The following GRIA4 variants were observed in gnomAD, a reference collection of about 807,000 sequenced individuals.
GRIA4 encodes glutamate ionotropic receptor AMPA type subunit 4.
In GRIA4, 34 loss-of-function variants were observed where a neutral mutation model predicts 104.0. That is an observed-to-expected ratio of 0.33 (90% CI 0.25 to 0.44). The LOEUF (loss-of-function observed/expected upper bound fraction) is 0.44, where lower values mean the gene tolerates loss of function less well. Ranked by LOEUF, GRIA4 falls within the 20% of genes least tolerant of loss-of-function variation. The pLI is 1.00. For synonymous variants in GRIA4, 386 were observed against 381.9 expected (o/e 1.01, Z -0.13); for missense variants, 750 against 1,096.5 (o/e 0.68, Z 4.46).
At chr11:105,623,459 T>C (rs1168927027) in intron 3 of GRIA4, among the ~76,000 whole-genome samples, 1 of 152,042 alleles carries the variant, frequency 6.6e-6, no homozygotes, top group Non-Finnish European at 1.5e-5. Flanking sequence ...TGACTTTTCA[T>C]TGCTTTAGAA....
intron 3 of GRIA4, among the ~76,000 whole-genome samples, chr11:105,742,910 T>C (rs1591179050): frequency 6.6e-6 from 1 of 152,076 alleles, no homozygotes; most frequent in African/African-American, 2.4e-5. Context: ...CTAATTTTTG[T>C]ATTTTTAGTA....
intron 4 of GRIA4, among the ~76,000 whole-genome samples, chr11:105,769,466 C>A (rs908176199): frequency 6.6e-6 from 1 of 151,890 alleles, no homozygotes; most frequent in South Asian, 2.1e-4. Flanking sequence ...GTAAGTAACT[C>A]ATTATGGCTC....
intron 3 of GRIA4, chr11:105,613,650 G>T (rs939473183): frequency 7.9e-5 from 12 of 152,084 alleles, no homozygotes; most frequent in Non-Finnish European, 1.2e-4. Context: ...TATTTAATTT[G>T]TATGTGTTGG....
At chr11:105,977,766 A>C (rs1238784470) in intron 16 of GRIA4, among the ~76,000 whole-genome samples, 1 of 152,026 alleles carries the variant, frequency 6.6e-6, no homozygotes, top group African/African-American at 2.4e-5. Context: ...CACCCAAAAC[A>C]TATGTACTTT....
intron 4 of GRIA4, among the ~76,000 whole-genome samples, chr11:105,826,177 C>G (rs1366196965): frequency 6.6e-6 from 1 of 151,970 alleles, no homozygotes; most frequent in Non-Finnish European, 1.5e-5. Context: ...ATTGGGGTAG[C>G]ATGGGATGGA....
intron 3 of GRIA4, among the ~76,000 whole-genome samples, chr11:105,720,430 CG>C (rs368035093): frequency 2.6e-5 from 4 of 151,662 alleles, no homozygotes; most frequent in Admixed American, 6.6e-5. Flanking sequence ...CTATCCAAAC[CG>C]AGAAAAGAAA....
intron 4 of GRIA4, among the ~76,000 whole-genome samples, chr11:105,766,112 A>C (rs1293051316): frequency 6.6e-6 from 1 of 152,182 alleles, no homozygotes; most frequent in African/African-American, 2.4e-5. Flanking sequence ...ACTACACCTA[A>C]CAAAGCATTA....
intron 3 of GRIA4, among the ~76,000 whole-genome samples, chr11:105,744,153 T>C (rs1939502190): frequency 6.6e-6 from 1 of 152,192 alleles, no homozygotes; most frequent in East Asian, 1.9e-4. Context: ...ATATTCACCA[T>C]CTTGGATTAT....
chr11:105,686,614 G>C (rs904777583), intron 3 of GRIA4, among the ~76,000 whole-genome samples: 1 of 152,148 alleles, frequency 6.6e-6, no homozygotes. Flanking sequence ...TAAGTCTAAT[G>C]GTAGCTCTGT....
intron 5 of GRIA4, among the ~76,000 whole-genome samples, chr11:105,886,817 TA>T (rs1946279743): frequency 6.6e-6 from 1 of 151,326 alleles, no homozygotes; most frequent in Non-Finnish European, 1.5e-5. Context: ...AATGCAAAAA[TA>T]AAATTGAACT....
chr11:105,790,515 G>A (rs1050535653), intron 4 of GRIA4, among the ~76,000 whole-genome samples: 2 of 152,088 alleles, frequency 1.3e-5, no homozygotes, highest in African/African-American at 2.4e-5. Context: ...TCCCTTGCCG[G>A]TTTTTAAACT....
At chr11:105,676,767 T>G (rs1952551416) in intron 3 of GRIA4, among the ~76,000 whole-genome samples, 1 of 151,320 alleles carries the variant, frequency 6.6e-6, no homozygotes, top group East Asian at 1.9e-4. Flanking sequence ...ATGCACAGGT[T>G]AACCATGAGT....
chr11:105,778,684 G>T (rs373126150), intron 4 of GRIA4, among the ~76,000 whole-genome samples: 22 of 152,260 alleles, frequency 1.4e-4, no homozygotes, highest in African/African-American at 3.4e-4. Context: ...CAGCCTGGGC[G>T]ACAGAGCAAG....
intron 4 of GRIA4, among the ~76,000 whole-genome samples, chr11:105,802,267 G>A (rs1183011440): frequency 2.0e-5 from 3 of 152,086 alleles, no homozygotes; most frequent in Admixed American, 6.6e-5. Context: ...AGCAGAGCCC[G>A]CCTGACAGTG....
At chr11:105,886,073 A>T (rs1198009225) in intron 5 of GRIA4, among the ~76,000 whole-genome samples, 1 of 152,226 alleles carries the variant, frequency 6.6e-6, no homozygotes, top group Non-Finnish European at 1.5e-5. Context: ...AAATAGAAAG[A>T]AGGTCTTGAA....
At chr11:105,936,820 A>T (rs568047896) in intron 14 of GRIA4, among the ~76,000 whole-genome samples, 82 of 152,300 alleles carry the variant, frequency 5.4e-4, no homozygotes, top group African/African-American at 1.9e-3. Context: ...GGTGACTAGC[A>T]CCTGTCCTTA....
chr11:105,856,829 G>T (rs1472544970), intron 4 of GRIA4, among the ~76,000 whole-genome samples: 1 of 152,030 alleles, frequency 6.6e-6, no homozygotes, highest in Non-Finnish European at 1.5e-5. Flanking sequence ...AAAAATCTAG[G>T]ACCCAGAATA....
At chr11:105,801,980 A>G (rs3819071) in intron 4 of GRIA4, among the ~76,000 whole-genome samples, 20,016 of 152,082 alleles carry the variant, frequency 0.13, 1,474 homozygotes, top group Admixed American at 0.22. Flanking sequence ...TGGGATGCCA[A>G]TTTGAGCAGG....
At chr11:105,793,305 G>A (rs1245167551) in intron 4 of GRIA4, among the ~76,000 whole-genome samples, 2 of 152,008 alleles carry the variant, frequency 1.3e-5, no homozygotes, top group African/African-American at 4.8e-5. Context: ...CAGCGACAGG[G>A]ATACTACACA....
Sources: allele counts gnomAD v4.1 joint callset (sites outside exome capture counted in the v4.1 genomes callset), GRCh38; gene constraint gnomAD v4.1.1; transcripts MANE v1.5; gene names NCBI Gene and HGNC (gene_info 2026-07-23, HGNC 2026-07-21).